Variants in MTMR8 observed in about 807,000 individuals in gnomAD.
The protein encoded by MTMR8 is myotubularin related protein 8.
A neutral mutation model predicts 39.3 loss-of-function variants in MTMR8; 65 were observed. That is an observed-to-expected ratio of 1.65 (90% CI 1.35 to 2.03). MTMR8 has a LOEUF of 2.03. Ranked by LOEUF, MTMR8 falls within the 30% of genes most tolerant of loss-of-function variation. The pLI, the probability that MTMR8 is intolerant of heterozygous loss-of-function variation, is 0.00. For missense variants in MTMR8, 777 were observed against 538.9 expected (o/e 1.44, Z -4.37); for synonymous variants, 245 against 185.2 (o/e 1.32, Z -2.62).
Position 64,350,088 on chromosome X carries a change from CAA to C in MTMR8, c.469-20_469-19del, listed in dbSNP as rs1491315054. On this transcript the variant is annotated intron_variant, in intron 4 of 13. Transcript: ENST00000374852. ...CTGCATATCTAAAAGAAAATAAGCA[CAA>C]TATATATAAATATATATTTATACAT... is the stretch of plus-strand genomic sequence containing the variant. 6.2e-6 allele frequency: 6 copies of C among 970,536 alleles called. No individual in the cohort carries two copies. The African/African-American group carries it at 1.2e-4, about 20-fold the overall frequency. 80.0% of individuals were successfully genotyped at this position (970,536 alleles called of 1,213,427 possible).
intron 9 of MTMR8, among the ~76,000 whole-genome samples, chrX:64,336,466 A>G (rs1326493587): frequency 1.9e-5 from 2 of 107,109 alleles, no homozygotes; most frequent in African/African-American, 7.2e-5. Flanking sequence ...TCTTAGCTTT[A>G]TACCAGTAAC....
chrX:64,337,535 C>G (rs1923111351), intron 8 of MTMR8, 142 bp from the exon 9 acceptor site: 6 of 585,718 alleles, frequency 1.0e-5, no homozygotes, highest in Non-Finnish European at 1.6e-5. Flanking sequence ...CATTAACATC[C>G]TCTATGGGGA....
chrX:64,271,103 G>T, intron 12 of MTMR8, 30 bp from the exon 13 acceptor site: 1 of 1,165,954 alleles, frequency 8.6e-7, no homozygotes, highest in Non-Finnish European at 1.1e-6. Context: ...GGGGAAAAGT[G>T]GGTTAGTTTA....
At chrX:64,379,932 AT>A in intron 1 of MTMR8, among the ~76,000 whole-genome samples, 1 of 112,064 alleles carries the variant, frequency 8.9e-6, no homozygotes, top group South Asian at 3.7e-4. Flanking sequence ...GGAAAAAAAA[AT>A]CAGTGTCATA....
chrX:64,354,136 C>A (rs1923557299), intron 4 of MTMR8, among the ~76,000 whole-genome samples: 1 of 102,786 alleles, frequency 9.7e-6, no homozygotes, highest in Non-Finnish European at 2.0e-5. Context: ...CTCATGGAGA[C>A]AGAGAGTAGA....
At chrX:64,300,165 A>G (rs1161006273) in intron 12 of MTMR8, among the ~76,000 whole-genome samples, 2 of 106,521 alleles carry the variant, frequency 1.9e-5, no homozygotes, top group Non-Finnish European at 3.9e-5. Flanking sequence ...GATCTGTCTA[A>G]TGTTGACAGT....
intron 7 of MTMR8, among the ~76,000 whole-genome samples, 169 bp from the exon 8 acceptor site, chrX:64,343,889 C>A (rs1923281769): frequency 9.0e-6 from 1 of 111,667 alleles, no homozygotes; most frequent in Non-Finnish European, 1.9e-5. Context: ...CTAAAGCCTA[C>A]CAGATCTCCT....
chrX:64,306,568 T>C (rs1225642352), intron 12 of MTMR8: 1 of 116,821 alleles, frequency 8.6e-6, no homozygotes, highest in Non-Finnish European at 1.8e-5. Flanking sequence ...GTATCAGTCT[T>C]CACAGGTATC....
At chrX:64,291,285 C>T (rs1423974483) in intron 12 of MTMR8, among the ~76,000 whole-genome samples, 2 of 110,623 alleles carry the variant, frequency 1.8e-5, no homozygotes, top group Non-Finnish European at 3.8e-5. Context: ...ACAAAACTGC[C>T]CCCAACATCT....
In MTMR8 at chrX:64,359,495, C is replaced by G. The variant is rs1223266749; in HGVS notation, c.57G>C (p.Val19=). ...GAATCCCATTAGCTGGTTTCTTACT[C>G]ACATAACGATCCACCAATTTCACGT... ...VENVKLVDRY[V]SKKPANGILY... The change falls in exon 2 of 14, where the codon GTG becomes GTC. Residue 19 remains valine (V), a synonymous_variant. Transcript: ENST00000374852. 1 of 1,203,165 alleles carries G rather than the reference C, an allele frequency of 8.3e-7. No individual in the cohort carries two copies. The highest frequency in any genetic ancestry group is 1.1e-6 in the Non-Finnish European group (1 of 891,257).
chrX:64,301,272 A>G (rs1921863864), intron 12 of MTMR8, among the ~76,000 whole-genome samples: 1 of 106,254 alleles, frequency 9.4e-6, no homozygotes, highest in African/African-American at 3.4e-5. Flanking sequence ...GGCTTTGCTC[A>G]TTTCTTTTTA....
chrX:64,387,271 T>C (rs961030257), intron 1 of MTMR8, among the ~76,000 whole-genome samples: 7 of 110,991 alleles, frequency 6.3e-5, no homozygotes, highest in African/African-American at 2.3e-4. Context: ...CCAGAGATCC[T>C]TATGCAGTCC....
intron 12 of MTMR8, among the ~76,000 whole-genome samples, chrX:64,278,880 C>T (rs941353549): frequency 1.2e-4 from 13 of 111,623 alleles, no homozygotes; most frequent in Admixed American, 1.1e-3. Flanking sequence ...CCCTATTTGC[C>T]TGGTTATCAC....
rs1355567113 is a variant in MTMR8, at chrX:64,269,027, T to C, written c.1625A>G (p.Asp542Gly). 5 of 1,208,666 alleles carry C rather than the reference T, an allele frequency of 4.1e-6. 1 individual carries two copies. Among genetic ancestry groups the C allele is most frequent in the East Asian group, 5.9e-5 (2 of 33,807 alleles). Residue 542 changes from aspartate to glycine, a missense_variant, in exon 14 of 14, where the codon GAT (aspartate) becomes GGT (glycine). Physicochemically the swap from Asp to Gly is moderately conservative, Grantham distance 94 (BLOSUM62 -1). Transcript: ENST00000374852. ...HELEKKLKVR[D>G]EPPEEICTCS... ...GGTACAGATCTCTTCTGGTGGCTCA[T>C]CACGGACTTTTAGTTTCTGCCTCAG...
chrX:64,384,629 C>T (rs1231429071), intron 1 of MTMR8, among the ~76,000 whole-genome samples: 2 of 112,508 alleles, frequency 1.8e-5, no homozygotes, highest in Non-Finnish European at 3.8e-5. Context: ...TGGCTTGAAC[C>T]CTTTGGAGCT....
intron 12 of MTMR8, among the ~76,000 whole-genome samples, chrX:64,279,282 T>C (rs1282264417): frequency 8.9e-6 from 1 of 112,112 alleles, no homozygotes; most frequent in Non-Finnish European, 1.9e-5. Context: ...AAGAAAATTA[T>C]AGGCTAATAT....
chrX:64,345,666 A>G (rs758990264), intron 6 of MTMR8, among the ~76,000 whole-genome samples: 1 of 112,211 alleles, frequency 8.9e-6, no homozygotes, highest in South Asian at 3.7e-4. Flanking sequence ...GCTGGAGTGC[A>G]GCAGCACAAT....
chrX:64,297,192 C>T (rs1243720869), intron 12 of MTMR8, among the ~76,000 whole-genome samples: 1 of 84,598 alleles, frequency 1.2e-5, no homozygotes, highest in Non-Finnish European at 2.3e-5. Flanking sequence ...TTTACAGTCC[C>T]ACCAACAGTG....
intron 12 of MTMR8, among the ~76,000 whole-genome samples, chrX:64,271,815 T>G (rs1931768175): frequency 8.9e-6 from 1 of 112,032 alleles, no homozygotes; most frequent in African/African-American, 3.2e-5. Flanking sequence ...TCAACTAGCA[T>G]GTAGGCATGT....
Sources: allele counts gnomAD v4.1 joint callset (sites outside exome capture counted in the v4.1 genomes callset), GRCh38; gene constraint gnomAD v4.1.1; transcripts MANE v1.5; gene names NCBI Gene and HGNC (gene_info 2026-07-23, HGNC 2026-07-21).